HECTD4: variants seen among roughly 807,000 people sequenced by gnomAD.
HECTD4 encodes HECT domain E3 ubiquitin protein ligase 4.
In HECTD4, 114 loss-of-function variants were observed where a neutral mutation model predicts 471.5. The ratio of observed to expected loss-of-function variants is 0.24; its 90% CI spans 0.21 to 0.28. The LOEUF (loss-of-function observed/expected upper bound fraction) is 0.28. Among genes scored for constraint, HECTD4 ranks in the 10% least tolerant of loss-of-function variants. HECTD4 has a pLI of 1.00. For missense variants in HECTD4, 3,866 were observed against 5,651.5 expected (o/e 0.68, Z 10.13); for synonymous variants, 2,012 against 2,256.0 (o/e 0.89, Z 3.07).
Position 112,208,541 on chromosome 12 carries a change from T to C in HECTD4, c.7957A>G (p.Ile2653Val), listed in dbSNP as rs1357049881. 7 of 1,604,942 alleles carry C rather than the reference T, an allele frequency of 4.4e-6. No individual in the cohort carries two copies. The highest frequency in any genetic ancestry group is 3.5e-5 in the Admixed American group (2 of 57,230). Residue 2653 changes from isoleucine to valine, a missense_variant, in exon 51 of 76, where the codon ATT (isoleucine) becomes GTT (valine). Ile to Val is a conservative substitution (Grantham distance 29). Around this residue, in one of 16 missense-constraint regions of HECTD4, gnomAD observed 266 missense variants for 441.6 expected, o/e 0.60. Transcript: ENST00000682272. ...TCATCATCGCTTTCATCATCTGCAA[T>C]GGGAGGCGGGTGAGGGTCTGGGCCA... ...TSGPDPHPPP[I>V]ADDESDDDDD...
chr12:112,371,523 C>T (rs750965557), intron 1 of HECTD4, among the ~76,000 whole-genome samples: 9 of 151,400 alleles, frequency 5.9e-5, no homozygotes, highest in African/African-American at 1.7e-4. Context: ...TTTAGTGAGC[C>T]GAGATCACGC....
chr12:112,271,651 A>G (rs2034415105), intron 11 of HECTD4, among the ~76,000 whole-genome samples: 3 of 151,992 alleles, frequency 2.0e-5, no homozygotes, highest in South Asian at 4.2e-4. Context: ...AGACAGAACA[A>G]CTCTACTAAT....
intron 7 of HECTD4, among the ~76,000 whole-genome samples, chr12:112,288,833 A>G (rs990267058): frequency 2.0e-5 from 3 of 152,184 alleles, no homozygotes; most frequent in Non-Finnish European, 2.9e-5. Flanking sequence ...GAAGCTGCAG[A>G]TGTGACTTCA....
rs2031787094 is a variant in HECTD4, at chr12:112,184,470, C to T, written c.10496G>A (p.Gly3499Asp). 1.9e-6 allele frequency: 3 copies of T among 1,605,648 alleles called. No individual in the cohort carries two copies. The highest frequency in any genetic ancestry group is 2.5e-6 in the Non-Finnish European group (3 of 1,176,908). ...GAGGTCGCTGACGGTTTGGGAGATG[C>T]CCTGCGAGCTGCAGATGGAGGCCTG... ...TSQASICSSQ[G>D]ISQTVSDLSV... Residue 3499 changes from glycine (G) to aspartate (D), a missense_variant, in exon 61 of 76, where the codon GGC becomes GAC. Coordinates refer to ENST00000682272, the MANE Select transcript of HECTD4 (RefSeq NM_001388303.1). This position sits in a 1 kb window ranked among gnomAD's most constrained non-coding sequence, Gnocchi z 9.1.
chr12:112,301,711 C>G (rs2035168232), intron 7 of HECTD4, among the ~76,000 whole-genome samples: 1 of 151,752 alleles, frequency 6.6e-6, no homozygotes, highest in Non-Finnish European at 1.5e-5. Context: ...GCATCCTGTC[C>G]TGTTTTATAA....
At chr12:112,200,873 G>A in intron 54 of HECTD4, 75 bp from the exon 55 acceptor site, 4 of 1,223,216 alleles carry the variant, frequency 3.3e-6, no homozygotes, top group South Asian at 1.4e-5. Context: ...GCGTGTGTGT[G>A]TGCGTGCGTG....
Position 112,167,335 on chromosome 12 carries a change from G to A in HECTD4, c.12516C>T (p.Tyr4172=), listed in dbSNP as rs763049291. ...CACTCACGCTCTCAAACTTCTTGAC[G>A]TAATTGTAGGTGAGGATATCCGCTT... ...LQEADILTYN[Y]VKKFESINDE... is the part of the protein sequence containing the mutation. The change falls in exon 72 of 76, where the codon TAC becomes TAT. Residue 4172 remains tyrosine (Y), a synonymous_variant. Transcript: ENST00000682272. 72 of 1,612,266 alleles carry A rather than the reference G, an allele frequency of 4.5e-5. No homozygotes were observed. The highest frequency in any genetic ancestry group is 5.3e-5 in the Non-Finnish European group (62 of 1,179,018).
intron 1 of HECTD4, among the ~76,000 whole-genome samples, chr12:112,359,983 C>A (rs1036075619): frequency 2.0e-4 from 31 of 152,186 alleles, no homozygotes; most frequent in African/African-American, 7.2e-4. Flanking sequence ...CGCACAGGTG[C>A]AACAATGGAC....
chr12:112,329,492 C>T (rs989093767), intron 1 of HECTD4, among the ~76,000 whole-genome samples: 5 of 151,698 alleles, frequency 3.3e-5, no homozygotes, highest in South Asian at 2.1e-4. Flanking sequence ...CTCAGCCTCC[C>T]GAGTAGCTGG....
intron 47 of HECTD4, 86 bp from the exon 48 acceptor site, chr12:112,216,457 A>AG (rs1471204711): frequency 8.8e-6 from 8 of 906,084 alleles, no homozygotes; most frequent in East Asian, 2.6e-5. Context: ...GGTGAAGTGG[A>AG]GGGGGGGTGG....
chr12:112,178,585 T>C (rs763852346), intron 64 of HECTD4, among the ~76,000 whole-genome samples: 1 of 152,200 alleles, frequency 6.6e-6, no homozygotes, highest in African/African-American at 2.4e-5. Context: ...ACCTCGGCAC[T>C]GTGGGAGGCC....
intron 45 of HECTD4, 78 bp downstream of exon 45, chr12:112,219,308 G>A: frequency 9.8e-7 from 1 of 1,024,738 alleles, no homozygotes; most frequent in Non-Finnish European, 1.5e-6. Context: ...TATTCTAAAT[G>A]TCCTTAACTT....
At chr12:112,271,774 GTT>G (rs749138570) in intron 11 of HECTD4, among the ~76,000 whole-genome samples, 1 of 151,918 alleles carries the variant, frequency 6.6e-6, no homozygotes, top group East Asian at 1.9e-4. Context: ...TGTTGTTGTT[GTT>G]TTGTTTTGTT....
chr12:112,218,420 C>G (rs1013981635), intron 45 of HECTD4, among the ~76,000 whole-genome samples: 3 of 152,078 alleles, frequency 2.0e-5, no homozygotes, highest in Non-Finnish European at 1.5e-5. Context: ...CTCCTTTGCC[C>G]CCACAGCTCC....
In HECTD4 at chr12:112,266,950, G is replaced by T. The variant is rs377482356; in HGVS notation, c.2354C>A (p.Thr785Asn). The change falls in exon 14 of 76, where the codon ACT (threonine) becomes AAT (asparagine). Residue 785 changes from threonine (T) to asparagine (N), a missense_variant. Transcript: ENST00000682272. Reference protein sequence around the residue: ...SGLNILYPGETEINNLLKLVL... With the variant: ...SGLNILYPGENEINNLLKLVL... ...CAGTTTAAGTAAGTTATTGATTTCAGTTTCACCTGGGTACAAGATATTTAA... is the reference window on the plus strand; with the variant it reads ...CAGTTTAAGTAAGTTATTGATTTCATTTTCACCTGGGTACAAGATATTTAA... The T allele has an allele frequency of 2.6e-6, 4 of 1,534,978 alleles. No homozygotes were observed. In the African/African-American group the frequency reaches 5.5e-5, roughly 21 times the overall value.
At position 112,270,454 on chromosome 12, in the gene HECTD4, C is replaced by A. The variant is rs754401535; in HGVS notation, c.1948G>T (p.Ala650Ser). 4 of 1,612,260 alleles carry A rather than the reference C, an allele frequency of 2.5e-6. No individual in the cohort carries two copies. In the Admixed American group the frequency reaches 6.7e-5, roughly 27 times the overall value. Residue 650 changes from alanine (A) to serine (S), a missense_variant, in exon 12 of 76, where the codon GCT (alanine) becomes TCT (serine). By Grantham distance (99) the Ala-to-Ser change is moderately conservative (BLOSUM62 1). This residue lies in a region of HECTD4 where 525 missense variants were observed against 672.6 expected (regional missense o/e 0.78). Coordinates refer to ENST00000682272, the MANE Select transcript of HECTD4 (RefSeq NM_001388303.1). ...SHIITEPKEE[A>S]ITTNEVINQL... ...TTTATAACCTCATTCGTGGTTATAG[C>A]CTCTTCTAGAAGATGAAAAGGAAAC...
chr12:112,267,529 G>C (rs1593992605), intron 13 of HECTD4: 1 of 153,738 alleles, frequency 6.5e-6, no homozygotes. Context: ...TCACGATCCA[G>C]TCCAATCACT....
Position 112,173,195 on chromosome 12 carries a change from C to G in HECTD4, c.11595-334G>C, listed in dbSNP as rs2137010120. ...CATCAGCCTGCAGTGTGTCACACAA[C>G]TTTTTTCTCCTTAGAGACAAAATCT... On this transcript the variant is annotated intron_variant, in intron 66 of 75. Transcript: ENST00000682272. The surrounding 1 kb of genome is among the most constrained non-coding windows in gnomAD (Gnocchi z 4.3). Among the ~76,000 whole-genome samples the G allele has an allele frequency of 6.6e-6, 1 of 152,112 alleles. No individual in the cohort carries two copies. The highest frequency in any genetic ancestry group is 6.5e-5 in the Admixed American group (1 of 15,272).
chr12:112,338,609 G>T (rs1191706991), intron 1 of HECTD4, among the ~76,000 whole-genome samples: 1 of 152,008 alleles, frequency 6.6e-6, no homozygotes, highest in Non-Finnish European at 1.5e-5. Context: ...GACAGAGTGA[G>T]ACTCTATCTC....
Sources: allele counts gnomAD v4.1 joint callset (sites outside exome capture counted in the v4.1 genomes callset), GRCh38; gene constraint gnomAD v4.1.1; regional missense constraint gnomAD v4.1.1; non-coding constraint Gnocchi (gnomAD v3.1); transcripts MANE v1.5; gene names NCBI Gene and HGNC (gene_info 2026-07-23, HGNC 2026-07-21).